The following PCDH15 variants were observed in gnomAD, a reference collection of about 807,000 sequenced individuals.
PCDH15 encodes protocadherin-15.
PCDH15 carries 129 observed loss-of-function variants against 178.5 expected under a neutral mutation model. The observed-to-expected ratio is 0.72, with a 90% CI of 0.63 to 0.84. The LOEUF (loss-of-function observed/expected upper bound fraction) is 0.84, where lower values mean the gene tolerates loss of function less well. Among genes scored for constraint, PCDH15 ranks in the 40% least tolerant of loss-of-function variants. PCDH15 has a pLI of 0.00. For synonymous variants in PCDH15, 800 were observed against 732.0 expected (o/e 1.09, Z -1.50); for missense variants, 2,230 against 2,099.9 (o/e 1.06, Z -1.21).
chr10:54,304,641 G>A lies in PCDH15; in HGVS notation c.876+12630C>T, dbSNP rs140622128. 1.5e-4 allele frequency among the ~76,000 whole-genome samples: 23 copies of A among 152,124 alleles called. No homozygotes were observed. The East Asian group carries it at 3.9e-3, about 26-fold the overall frequency. Reference sequence around the variant, plus strand: ...TTCTTACCACAGTTGGAAGTCACTGGAATATTTTAAGCAAGAGAGTAACTT... The same window carrying A: ...TTCTTACCACAGTTGGAAGTCACTGAAATATTTTAAGCAAGAGAGTAACTT... On this transcript the variant is annotated intron_variant, in intron 8 of 37. Transcript: ENST00000644397.
chr10:54,040,256 T>C (rs1011993124), intron 18 of PCDH15, among the ~76,000 whole-genome samples: 1 of 152,040 alleles, frequency 6.6e-6, no homozygotes, highest in Admixed American at 6.6e-5. Flanking sequence ...GTGTTGTGGG[T>C]GGGACCTGGT....
At chr10:54,632,687 T>C (rs754953567) in intron 2 of PCDH15, among the ~76,000 whole-genome samples, 25 of 152,108 alleles carry the variant, frequency 1.6e-4, no homozygotes, top group African/African-American at 4.6e-4. Flanking sequence ...ACATCCTCCT[T>C]CTTCCATTCT....
chr10:54,743,481 G>A (rs1945064394), intron 1 of PCDH15, among the ~76,000 whole-genome samples: 1 of 151,908 alleles, frequency 6.6e-6, no homozygotes, highest in African/African-American at 2.4e-5. Flanking sequence ...ATGCAAATAC[G>A]AAAAGATGCC....
chr10:55,594,604 C>A (rs2132135546), intron 2 of PCDH15, among the ~76,000 whole-genome samples: 1 of 151,948 alleles, frequency 6.6e-6, no homozygotes, highest in East Asian at 1.9e-4. Flanking sequence ...TCCAATGTTG[C>A]AAAAATTACA....
In PCDH15 at chr10:54,346,476, T is replaced by C; in HGVS notation, c.483A>G (p.Pro161=). The C allele has an allele frequency of 1.2e-6, 2 of 1,613,822 alleles. No individual in the cohort carries two copies. Among genetic ancestry groups the C allele is most frequent in the Non-Finnish European group, 1.7e-6 (2 of 1,179,934 alleles). The stretch of plus-strand genomic sequence containing the variant: ...ATCCTGTGAATATTGTGGTACCAAC[T>C]GGAGTGAGCTGAAAGGAAAAAAGAT... ...SYYATVNELT[P]VGTTIFTGFS... Residue 161 remains proline (P), a synonymous_variant, in exon 6 of 38, where the codon CCA becomes CCG. Transcript: ENST00000644397.
At chr10:55,396,735 G>C (rs919262513) in intron 2 of PCDH15, among the ~76,000 whole-genome samples, 1 of 152,152 alleles carries the variant, frequency 6.6e-6, no homozygotes, top group African/African-American at 2.4e-5. Context: ...GATGAGAATT[G>C]TCAAAGATTT....
chr10:54,937,529 A>C (rs1564645599), intron 2 of PCDH15, among the ~76,000 whole-genome samples: 1 of 151,426 alleles, frequency 6.6e-6, no homozygotes, highest in Non-Finnish European at 1.5e-5. Flanking sequence ...TAAGACTTTC[A>C]CTTATTTTGT....
Position 55,582,618 on chromosome 10 carries a change from A to ATT in PCDH15, c.-156+45006_-156+45007insAA, listed in dbSNP as rs1182758362. On this transcript the variant is annotated intron_variant, in intron 2 of 5. Transcript: ENST00000613346. ...TGTGTATATATATATATATATATAT[A>ATT]TATATATATATTTTTTTTTTTTTGC... is the stretch of plus-strand genomic sequence containing the variant. Among the ~76,000 whole-genome samples, 174 of 88,028 alleles carry ATT rather than the reference A, an allele frequency of 2.0e-3. 3 individuals carry two copies. Among genetic ancestry groups the ATT allele is most frequent in the Middle Eastern group, 6.5e-3 (1 of 154 alleles). The allele number at this position is 88,028 out of a possible 152,430, so 57.7% of individuals were successfully genotyped here. A position where few individuals can be genotyped will look rare whatever the true frequency, so the allele number is the denominator to read the frequency against.
At chr10:53,948,575 CGGA>C (rs912148004) in intron 23 of PCDH15, among the ~76,000 whole-genome samples, 2 of 151,954 alleles carry the variant, frequency 1.3e-5, no homozygotes, top group Non-Finnish European at 2.9e-5. Context: ...TATTAAGCAC[CGGA>C]GGAGTTGGGA....
chr10:55,126,314 G>A (rs1837899627), intron 2 of PCDH15, among the ~76,000 whole-genome samples: 1 of 152,044 alleles, frequency 6.6e-6, no homozygotes, highest in African/African-American at 2.4e-5. Flanking sequence ...CCCATAGTCG[G>A]AATATTTATA....
At chr10:54,336,303 G>T (rs911542607) in intron 6 of PCDH15, among the ~76,000 whole-genome samples, 2 of 152,182 alleles carry the variant, frequency 1.3e-5, no homozygotes, top group Non-Finnish European at 2.9e-5. Context: ...ATTTGCATAA[G>T]TAATGAGGAA....
chr10:54,631,205 C>T (rs1364158137), intron 2 of PCDH15, among the ~76,000 whole-genome samples: 1 of 151,992 alleles, frequency 6.6e-6, no homozygotes, highest in African/African-American at 2.4e-5. Context: ...TGTGGCACTT[C>T]CCCACCTCTC....
intron 32 of PCDH15, chr10:53,825,284 GT>G (rs1335381505): frequency 3.1e-6 from 3 of 969,034 alleles, no homozygotes; most frequent in Non-Finnish European, 4.1e-6. Context: ...AAAAAGGCAT[GT>G]TTTTATATTT....
chr10:55,090,879 G>C (rs74136349), intron 2 of PCDH15, among the ~76,000 whole-genome samples: 339 of 150,740 alleles, frequency 2.2e-3, no homozygotes, highest in African/African-American at 8.2e-3. Context: ...GCATTCTAAA[G>C]ACATCATTTT....
chr10:54,918,680 AT>A (rs1267752780), intron 2 of PCDH15, among the ~76,000 whole-genome samples: 3 of 152,164 alleles, frequency 2.0e-5, no homozygotes, highest in African/African-American at 7.2e-5. Context: ...GTTTCCTTAT[AT>A]CCCAATATTA....
chr10:53,922,115 C>A (rs1219411565), intron 25 of PCDH15, among the ~76,000 whole-genome samples: 3 of 152,018 alleles, frequency 2.0e-5, no homozygotes, highest in African/African-American at 7.2e-5. Flanking sequence ...GTATTCAAAT[C>A]TAAAGCCCTC....
chr10:54,902,383 T>G lies in PCDH15; in HGVS notation c.-79-4883A>C, dbSNP rs532598030. 6.0e-4 allele frequency among the ~76,000 whole-genome samples: 91 copies of G among 152,274 alleles called. 1 individual carries two copies. The South Asian group carries it at 0.018, about 31-fold the overall frequency. ...GAGATGATTGGATTATGGGGTCAGATTTCTCCCTTGTCATTCTCGTGATAA... is the reference window on the plus strand; with the variant it reads ...GAGATGATTGGATTATGGGGTCAGAGTTCTCCCTTGTCATTCTCGTGATAA... On this transcript the variant is annotated intron_variant, in intron 2 of 5. Coordinates refer to the PCDH15 transcript ENST00000458638.
chr10:53,819,713 T>C (rs1375149286), intron 33 of PCDH15, among the ~76,000 whole-genome samples: 1 of 151,974 alleles, frequency 6.6e-6, no homozygotes, highest in Non-Finnish European at 1.5e-5. Flanking sequence ...TTCTCCTCTC[T>C]GGTTGTCAGG....
At chr10:54,256,860 T>C (rs1281279256) in intron 8 of PCDH15, among the ~76,000 whole-genome samples, 2 of 152,174 alleles carry the variant, frequency 1.3e-5, no homozygotes, top group Non-Finnish European at 2.9e-5. Context: ...GTCTTCTTAA[T>C]AGTATGTATC....
Sources: gnomAD v4.1 joint callset for allele counts (sites outside exome capture counted in the v4.1 genomes callset) on GRCh38, gnomAD v4.1.1 for gene constraint, MANE v1.5 for transcripts, NCBI Gene and HGNC (gene_info 2026-07-23, HGNC 2026-07-21) for gene names.